The following POLN variants were observed in gnomAD, a reference collection of about 807,000 sequenced individuals.
POLN encodes DNA polymerase nu.
Under a neutral mutation model 113.5 loss-of-function variants are expected in POLN, and 108 were observed. That is an observed-to-expected ratio of 0.95 (90% CI 0.81 to 1.12). POLN has a LOEUF of 1.12. POLN is among the 50% of genes most tolerant of loss of function. POLN has a pLI of 0.00. For missense variants in POLN, 1,097 were observed against 1,077.1 expected (o/e 1.02, Z -0.26); for synonymous variants, 386 against 391.5 (o/e 0.99, Z 0.17).
chr4:2,209,065 G>A (rs562355279), intron 4 of POLN, among the ~76,000 whole-genome samples: 2 of 152,238 alleles, frequency 1.3e-5, no homozygotes, highest in Admixed American at 6.5e-5. Context: ...TCATGGATAG[G>A]ATTATGTTGC....
At chr4:2,145,430 T>C (rs574640508) in intron 16 of POLN, among the ~76,000 whole-genome samples, 4 of 152,224 alleles carry the variant, frequency 2.6e-5, no homozygotes, top group African/African-American at 7.2e-5. Flanking sequence ...GTATTCATAA[T>C]ACATAAAGAA....
At chr4:2,174,077 G>A in intron 10 of POLN, 58 bp from the exon 11 acceptor site, 1 of 1,536,778 alleles carries the variant, frequency 6.5e-7, no homozygotes, top group South Asian at 1.1e-5. Flanking sequence ...TTTTACTAAA[G>A]ACTAAAATGC....
At chr4:2,078,808 C>A in intron 23 of POLN, 1 of 985,492 alleles carries the variant, frequency 1.0e-6, no homozygotes, top group African/African-American at 1.7e-5. Flanking sequence ...CAGCGAGTAA[C>A]TGCGTTCCTG....
chr4:2,203,499 G>A (rs956518815), intron 5 of POLN, among the ~76,000 whole-genome samples: 5 of 151,128 alleles, frequency 3.3e-5, no homozygotes, highest in Non-Finnish European at 5.9e-5. Flanking sequence ...AGAATTGCTT[G>A]AACCTGGGAG....
At chr4:2,105,639 T>C (rs1472168709) in intron 19 of POLN, among the ~76,000 whole-genome samples, 1 of 152,044 alleles carries the variant, frequency 6.6e-6, no homozygotes, top group Admixed American at 6.6e-5. Flanking sequence ...AGGGAATAAC[T>C]GGTATAACAC....
chr4:2,136,786 T>C (rs1157728570), intron 16 of POLN, among the ~76,000 whole-genome samples: 3 of 152,148 alleles, frequency 2.0e-5, no homozygotes, highest in African/African-American at 7.2e-5. Context: ...AGATGGAAGG[T>C]GCCAAACTGG....
chr4:2,134,357 A>G (rs1053859136), intron 16 of POLN, among the ~76,000 whole-genome samples: 1 of 152,190 alleles, frequency 6.6e-6, no homozygotes, highest in African/African-American at 2.4e-5. Flanking sequence ...TAAGTTTTCA[A>G]ATTAATTTGG....
At chr4:2,183,734 T>C (rs1357742239) in intron 7 of POLN, among the ~76,000 whole-genome samples, 1 of 152,120 alleles carries the variant, frequency 6.6e-6, no homozygotes, top group South Asian at 2.1e-4. Flanking sequence ...TCTGATATTA[T>C]GTAGTGGTGA....
intron 4 of POLN, among the ~76,000 whole-genome samples, chr4:2,209,788 T>C (rs910214615): frequency 4.7e-5 from 7 of 148,350 alleles, no homozygotes; most frequent in Admixed American, 4.1e-4. Flanking sequence ...CAGCCTCCCA[T>C]GTAGCTGTGA....
At chr4:2,072,387 C>CA in intron 25 of POLN, 88 bp from the exon 26 acceptor site, 1 of 1,158,960 alleles carries the variant, frequency 8.6e-7, no homozygotes, top group South Asian at 1.6e-5. Context: ...ACAGGGCCTA[C>CA]AGCACACAGG....
At chr4:2,183,113 C>T (rs1328394309) in intron 7 of POLN, among the ~76,000 whole-genome samples, 1 of 152,182 alleles carries the variant, frequency 6.6e-6, no homozygotes, top group African/African-American at 2.4e-5. Context: ...GGATGTAACA[C>T]TTCACATCCA....
intron 24 of POLN, among the ~76,000 whole-genome samples, chr4:2,073,302 C>T (rs980020304): frequency 2.6e-5 from 4 of 152,222 alleles, no homozygotes; most frequent in Non-Finnish European, 5.9e-5. Context: ...GCAGCCCCTC[C>T]TCCTGGCCTG....
chr4:2,229,288 A>G, intron 2 of POLN, 45 bp from the exon 3 acceptor site: 1 of 1,417,822 alleles, frequency 7.1e-7, no homozygotes, highest in Non-Finnish European at 9.5e-7. Context: ...TATTAATCCT[A>G]AGACTATAAA....
In POLN at chr4:2,222,619, A is replaced by C. The variant is rs377551312; in HGVS notation, c.133+6480T>G. On this transcript the variant is annotated intron_variant, in intron 3 of 25. Coordinates refer to ENST00000511885, the MANE Select transcript of POLN (RefSeq NM_181808.4). ...GACTAAGTCTTGGGTCTACGGCTAC[A>C]GGCTGTCACTTTATAGGCTGCCCAG... Among the ~76,000 whole-genome samples the C allele has an allele frequency of 4.1e-4, 62 of 152,042 alleles. No homozygotes were observed. The South Asian group carries it at 0.012, about 29-fold the overall frequency.
At chr4:2,225,860 A>T (rs753693927) in intron 3 of POLN, among the ~76,000 whole-genome samples, 1 of 151,758 alleles carries the variant, frequency 6.6e-6, no homozygotes, top group Non-Finnish European at 1.5e-5. Context: ...AATTAGCCAG[A>T]CACAGTAGCA....
chr4:2,096,618 A>T (rs1431953157), intron 19 of POLN, among the ~76,000 whole-genome samples: 2 of 150,814 alleles, frequency 1.3e-5, no homozygotes, highest in East Asian at 3.9e-4. Context: ...CTGCTTTTGT[A>T]AACATCCTTA....
intron 23 of POLN, chr4:2,078,802 G>A (rs551228946): frequency 3.9e-5 from 38 of 985,478 alleles, no homozygotes; most frequent in East Asian, 1.1e-4. Context: ...GATGACCAGC[G>A]AGTAACTGCG....
chr4:2,232,306 C>T lies in POLN; in HGVS notation c.-12-3063G>A. 1 of 479,480 alleles carries T rather than the reference C, an allele frequency of 2.1e-6. No individual in the cohort carries two copies. Among genetic ancestry groups the T allele is most frequent in the Non-Finnish European group, 3.6e-6 (1 of 275,094 alleles). The allele number at this position is 479,480 out of a possible 1,614,324, so 29.7% of individuals were successfully genotyped here. A position where few individuals can be genotyped will look rare whatever the true frequency, so the allele number is the denominator to read the frequency against. On this transcript the variant is annotated intron_variant, in intron 2 of 25. Coordinates refer to ENST00000511885, the MANE Select transcript of POLN (RefSeq NM_181808.4). ...AATAAATAAACCTCGATTTAAAATCCATAACAGGTTTAATATAAATTCTAA... is the reference window on the plus strand; with the variant it reads ...AATAAATAAACCTCGATTTAAAATCTATAACAGGTTTAATATAAATTCTAA...
chr4:2,110,488 G>A (rs1731164958), intron 19 of POLN, among the ~76,000 whole-genome samples: 1 of 152,114 alleles, frequency 6.6e-6, no homozygotes, highest in Non-Finnish European at 1.5e-5. Context: ...TTGATAGACT[G>A]CTAGCAAGAC....
Sources: allele counts gnomAD v4.1 joint callset (sites outside exome capture counted in the v4.1 genomes callset), GRCh38; gene constraint gnomAD v4.1.1; transcripts MANE v1.5; gene names NCBI Gene and HGNC (gene_info 2026-07-23, HGNC 2026-07-21).